The following TTBK2 variants were observed in gnomAD, a reference collection of about 807,000 sequenced individuals.
TTBK2 encodes tau-tubulin kinase 2.
Under a neutral mutation model 110.8 loss-of-function variants are expected in TTBK2, and 28 were observed. That is an observed-to-expected ratio of 0.25 (90% CI 0.19 to 0.35). The LOEUF is 0.35. TTBK2 is among the 10% of genes least tolerant of loss of function. The pLI, the probability that TTBK2 is intolerant of heterozygous loss-of-function variation, is 1.00. For synonymous variants in TTBK2, 532 were observed against 527.3 expected, an observed-to-expected ratio of 1.01 and a Z score of -0.12; for missense variants, 1,369 against 1,500.3, an observed-to-expected ratio of 0.91 and a Z score of 1.45.
intron 7 of TTBK2, among the ~76,000 whole-genome samples, chr15:42,815,870 ATT>A (rs1332753251): frequency 1.6e-5 from 2 of 121,448 alleles, no homozygotes; most frequent in African/African-American, 7.6e-5. Context: ...ATATATATAT[ATT>A]TAAATATATA....
intron 13 of TTBK2, among the ~76,000 whole-genome samples, chr15:42,765,432 T>A (rs556505380): frequency 6.6e-6 from 1 of 152,168 alleles, no homozygotes; most frequent in Non-Finnish European, 1.5e-5. Context: ...AATGACCTGA[T>A]GGAGCTGAAA....
intron 9 of TTBK2, among the ~76,000 whole-genome samples, chr15:42,807,772 T>C (rs1289001254): frequency 6.6e-6 from 1 of 152,130 alleles, no homozygotes; most frequent in East Asian, 1.9e-4. Context: ...ATATTCAGAA[T>C]CTGACAAAAA....
intron 4 of TTBK2, among the ~76,000 whole-genome samples, chr15:42,834,607 G>A (rs1461585053): frequency 6.6e-6 from 1 of 152,110 alleles, no homozygotes; most frequent in Non-Finnish European, 1.5e-5. Context: ...TGTAGCAAAA[G>A]ATGAGACAAT....
intron 1 of TTBK2, among the ~76,000 whole-genome samples, chr15:42,883,865 T>C (rs1431596379): frequency 2.0e-5 from 3 of 152,048 alleles, no homozygotes; most frequent in Non-Finnish European, 4.4e-5. Flanking sequence ...TGAATATACT[T>C]AAATACCACT....
intron 2 of TTBK2, among the ~76,000 whole-genome samples, chr15:42,875,847 A>T (rs907496736): frequency 4.9e-5 from 7 of 143,572 alleles, no homozygotes; most frequent in African/African-American, 1.9e-4. Flanking sequence ...CGCAGGCTGC[A>T]GTGAGCTGAG....
At chr15:42,778,418 C>G (rs1350022835) in intron 11 of TTBK2, among the ~76,000 whole-genome samples, 1 of 152,056 alleles carries the variant, frequency 6.6e-6, no homozygotes, top group Non-Finnish European at 1.5e-5. Flanking sequence ...GTAACCCCAG[C>G]ACTTTCGGAA....
intron 1 of TTBK2, 124 bp downstream of exon 1, chr15:42,920,314 C>G (rs1295639369): frequency 6.6e-6 from 1 of 152,258 alleles, no homozygotes; most frequent in African/African-American, 2.4e-5. Context: ...TTGCAGCGAA[C>G]TGAAAGTCCC....
chr15:42,763,143 C>CATATATATATATACACATAT (rs2062064098), intron 13 of TTBK2, among the ~76,000 whole-genome samples: 3 of 51,152 alleles, frequency 5.9e-5, no homozygotes, highest in Non-Finnish European at 9.2e-5. Flanking sequence ...TATATACATA[C>CATATATATATATACACATAT]ATATATATAT....
chr15:42,818,715 G>C (rs1407931953), intron 6 of TTBK2, among the ~76,000 whole-genome samples: 1 of 151,758 alleles, frequency 6.6e-6, no homozygotes, highest in African/African-American at 2.4e-5. Flanking sequence ...ACGAGACTCC[G>C]TCTCAAAAAA....
intron 9 of TTBK2, among the ~76,000 whole-genome samples, chr15:42,803,159 A>G (rs1891298820): frequency 6.6e-6 from 1 of 152,190 alleles, no homozygotes; most frequent in East Asian, 1.9e-4. Context: ...TCACTAATAC[A>G]TGTACTTACA....
At chr15:42,866,144 A>G (rs1021729015) in intron 3 of TTBK2, among the ~76,000 whole-genome samples, 8 of 152,196 alleles carry the variant, frequency 5.3e-5, no homozygotes, top group Non-Finnish European at 1.0e-4. Flanking sequence ...ACAAGTATAA[A>G]GAAGGGCATC....
At chr15:42,779,408 CAAA>C (rs35452096) in intron 11 of TTBK2, among the ~76,000 whole-genome samples, 9 of 102,152 alleles carry the variant, frequency 8.8e-5, no homozygotes, top group Non-Finnish European at 1.1e-4. Flanking sequence ...AACCCTGTCA[CAAA>C]AAAAAAAAAA....
chr15:42,874,225 A>G (rs146492502), intron 2 of TTBK2, among the ~76,000 whole-genome samples: 5 of 152,284 alleles, frequency 3.3e-5, no homozygotes, highest in Non-Finnish European at 5.9e-5. Context: ...TGTCCCCCAT[A>G]GCATTTGGCA....
chr15:42,754,471 C>G (rs2061914577), intron 13 of TTBK2, among the ~76,000 whole-genome samples: 1 of 151,474 alleles, frequency 6.6e-6, no homozygotes, highest in Middle Eastern at 3.2e-3. Flanking sequence ...TCTTGGCTCA[C>G]CGCAACCTCC....
At chr15:42,815,958 A>AAAAATAT (rs71108183) in intron 7 of TTBK2, among the ~76,000 whole-genome samples, 4 of 91,716 alleles carry the variant, frequency 4.4e-5, no homozygotes, top group Admixed American at 1.3e-4. Flanking sequence ...TTAAAAAAAA[A>AAAAATAT]ATATATATAT....
intron 3 of TTBK2, among the ~76,000 whole-genome samples, chr15:42,841,956 C>T (rs942702735): frequency 6.6e-6 from 1 of 152,172 alleles, no homozygotes; most frequent in South Asian, 2.1e-4. Flanking sequence ...CAGATGTACA[C>T]TGAGGAACCA....
intron 9 of TTBK2, among the ~76,000 whole-genome samples, chr15:42,809,317 C>G (rs1891604730): frequency 6.6e-6 from 1 of 152,200 alleles, no homozygotes; most frequent in South Asian, 2.1e-4. Flanking sequence ...GAATGTCCAA[C>G]TGAAAAACTT....
intron 2 of TTBK2, among the ~76,000 whole-genome samples, chr15:42,876,627 T>C (rs895245157): frequency 6.6e-6 from 1 of 152,362 alleles, no homozygotes; most frequent in Middle Eastern, 3.4e-3. Flanking sequence ...GGGTCTTCTT[T>C]TTCCAATCTG....
chr15:42,753,289 A>G lies in TTBK2; in HGVS notation c.1999-42T>C. On this transcript the variant is annotated intron_variant, in intron 13 of 14. Coordinates refer to ENST00000267890, the MANE Select transcript of TTBK2 (RefSeq NM_173500.4). ...AAAAATTAAAATGCAATTATGTAAAATATCAACAAAGATGCATGCTTTGAG... is the reference window on the plus strand; with the variant it reads ...AAAAATTAAAATGCAATTATGTAAAGTATCAACAAAGATGCATGCTTTGAG... 3 of 1,569,232 alleles carry G rather than the reference A, an allele frequency of 1.9e-6. No homozygotes were observed. The South Asian group carries it at 3.4e-5, about 18-fold the overall frequency.
Sources: gnomAD v4.1 joint callset for allele counts (sites outside exome capture counted in the v4.1 genomes callset) on GRCh38, gnomAD v4.1.1 for gene constraint, MANE v1.5 for transcripts, NCBI Gene and HGNC (gene_info 2026-07-23, HGNC 2026-07-21) for gene names.